The following ZNF138 variants were observed in gnomAD, a reference collection of about 807,000 sequenced individuals.
The protein encoded by ZNF138 is zinc finger protein 138.
Under a neutral mutation model 33.0 loss-of-function variants are expected in ZNF138, and 33 were observed. That is an observed-to-expected ratio of 1.00 (90% CI 0.76 to 1.34). The LOEUF is 1.34. Ranked by LOEUF, ZNF138 falls within the 40% of genes most tolerant of loss-of-function variation. ZNF138 has a pLI of 0.00. For synonymous variants in ZNF138, 139 were observed against 120.4 expected (o/e 1.15, Z -1.01); for missense variants, 360 against 370.8 (o/e 0.97, Z 0.24).
chr7:64,798,646 G>C (rs1329598746), intron 1 of ZNF138, among the ~76,000 whole-genome samples: 1 of 152,098 alleles, frequency 6.6e-6, no homozygotes, highest in Admixed American at 6.6e-5. Flanking sequence ...GGACATGGTG[G>C]CCCATGCCTG....
At chr7:64,852,811 A>G in the ZNF138 span, 1 of 844,010 alleles carries the variant, frequency 1.2e-6, no homozygotes, top group Non-Finnish European at 2.1e-6. Context: ...TGATAAATTC[A>G]CTGGGCTGAC....
the ZNF138 span, among the ~76,000 whole-genome samples, chr7:64,853,659 G>A: frequency 6.6e-6 from 1 of 150,876 alleles, no homozygotes; most frequent in Non-Finnish European, 1.5e-5. Context: ...AAACTCATGT[G>A]TTATAAAAGG....
chr7:64,822,289 G>A (rs1426273866), intron 3 of ZNF138, among the ~76,000 whole-genome samples: 2 of 151,526 alleles, frequency 1.3e-5, no homozygotes, highest in African/African-American at 4.9e-5. Context: ...TTAATGTGCA[G>A]AGATATTGAA....
the ZNF138 span, among the ~76,000 whole-genome samples, chr7:64,848,375 G>A: frequency 6.6e-6 from 1 of 151,664 alleles, no homozygotes; most frequent in South Asian, 2.1e-4. Flanking sequence ...TTGTTGGGTT[G>A]GGTTAATCCA....
chr7:64,796,381 A>G (rs372418567), intron 1 of ZNF138, among the ~76,000 whole-genome samples: 162 of 152,258 alleles, frequency 1.1e-3, no homozygotes, highest in African/African-American at 3.8e-3. Flanking sequence ...TTGACTTGAC[A>G]TGTGAGTGAG....
chr7:64,822,660 A>G (rs957212770), intron 3 of ZNF138, among the ~76,000 whole-genome samples: 6 of 147,390 alleles, frequency 4.1e-5, no homozygotes, highest in African/African-American at 1.6e-4. Context: ...TTTTGTGTCA[A>G]TACCACATTG....
Position 64,832,735 on chromosome 7 carries a change from C to A in ZNF138, c.*533C>A. On this transcript the variant is annotated 3_prime_UTR_variant, in exon 4 of 4. Transcript: ENST00000307355. ...CTTACTGCACATAAGATCATTCATA[C>A]TGGAGAGAAACCTTACAAATGTGAG... 2.2e-6 allele frequency: 1 copy of A among 451,050 alleles called. No individual in the cohort carries two copies. The allele number at this position is 451,050 out of a possible 1,614,324, so 27.9% of individuals were successfully genotyped here.
In ZNF138 at chr7:64,833,033, C is replaced by A; in HGVS notation, c.*831C>A. On this transcript the variant is annotated 3_prime_UTR_variant, in exon 4 of 4. Coordinates refer to ENST00000307355, the MANE Select transcript of ZNF138 (RefSeq NM_001271639.2). ...GTGAAGAATGTGGCAAAGCTTTTAA[C>A]CAAGTCTCAACACTTACTATACATA... 1 of 422,428 alleles carries A rather than the reference C, an allele frequency of 2.4e-6. No homozygotes were observed. 26.2% of individuals were successfully genotyped at this position (422,428 alleles called of 1,614,324 possible).
At chr7:64,852,722 T>C in the ZNF138 span, 111 of 1,078,480 alleles carry the variant, frequency 1.0e-4, no homozygotes, top group South Asian at 1.4e-3. Flanking sequence ...ATCCAGCCAC[T>C]GATGCACAGC....
At chr7:64,851,399 G>A in the ZNF138 span, among the ~76,000 whole-genome samples, 1 of 152,040 alleles carries the variant, frequency 6.6e-6, no homozygotes. Flanking sequence ...GGCAATGCAG[G>A]TTTTTAACAC....
chr7:64,819,498 G>T (rs1051722877), intron 3 of ZNF138, among the ~76,000 whole-genome samples: 1 of 151,766 alleles, frequency 6.6e-6, no homozygotes, highest in African/African-American at 2.4e-5. Flanking sequence ...CTCCTCAGTG[G>T]CTAGGATTAC....
At chr7:64,850,172 G>C in the ZNF138 span, among the ~76,000 whole-genome samples, 2 of 152,184 alleles carry the variant, frequency 1.3e-5, no homozygotes, top group Admixed American at 6.5e-5. Context: ...AATTGACTCA[G>C]CTCCAGGTAA....
At chr7:64,822,521 T>C (rs1261990923) in intron 3 of ZNF138, among the ~76,000 whole-genome samples, 4 of 151,606 alleles carry the variant, frequency 2.6e-5, no homozygotes, top group Admixed American at 1.3e-4. Flanking sequence ...TATCCAATTT[T>C]CAACATTACT....
At chr7:64,854,358 A>C in the ZNF138 span, among the ~76,000 whole-genome samples, 1 of 152,204 alleles carries the variant, frequency 6.6e-6, no homozygotes, top group Non-Finnish European at 1.5e-5. Context: ...GTCCTGCCTC[A>C]GCCTGCGAAG....
intron 1 of ZNF138, among the ~76,000 whole-genome samples, chr7:64,798,808 A>G (rs1390861146): frequency 1.3e-5 from 2 of 149,438 alleles, no homozygotes; most frequent in African/African-American, 2.4e-5. Flanking sequence ...AATTCTTCCT[A>G]CATTGATCTT....
At chr7:64,806,195 C>T (rs10227053) in intron 1 of ZNF138, among the ~76,000 whole-genome samples, 142,916 of 152,290 alleles carry the variant, frequency 0.94, 67,099 homozygotes, top group South Asian at 0.98. Flanking sequence ...AGTCAACTCA[C>T]GGTTGTGCTG....
intron 1 of ZNF138, among the ~76,000 whole-genome samples, chr7:64,797,304 ATAAT>A (rs1195433238): frequency 6.6e-6 from 1 of 152,212 alleles, no homozygotes; most frequent in African/African-American, 2.4e-5. Context: ...ATATAATAAA[ATAAT>A]TATTTATCGT....
chr7:64,799,799 A>G (rs1218522355), intron 1 of ZNF138, among the ~76,000 whole-genome samples: 1 of 151,958 alleles, frequency 6.6e-6, no homozygotes, highest in East Asian at 2.0e-4. Context: ...CTGTGCCACC[A>G]CGCCTGGCTA....
At chr7:64,830,895 A>T (rs1412855556) in intron 3 of ZNF138, 10 of 1,509,836 alleles carry the variant, frequency 6.6e-6, no homozygotes, top group Non-Finnish European at 8.0e-6. Flanking sequence ...TTTCATCTTA[A>T]TAGTCAGTAG....
Sources: allele counts gnomAD v4.1 joint callset (sites outside exome capture counted in the v4.1 genomes callset), GRCh38; gene constraint gnomAD v4.1.1; transcripts MANE v1.5; gene names NCBI Gene and HGNC (gene_info 2026-07-23, HGNC 2026-07-21).